The following ARHGAP32 variants were observed in gnomAD, a reference collection of about 807,000 sequenced individuals.
The protein encoded by ARHGAP32 is rho GTPase-activating protein 32.
ARHGAP32 carries 51 observed loss-of-function variants against 186.5 expected under a neutral mutation model. The ratio of observed to expected loss-of-function variants is 0.27; its 90% CI spans 0.22 to 0.35. The LOEUF (loss-of-function observed/expected upper bound fraction) is 0.35, where lower values mean the gene tolerates loss of function less well. Among genes scored for constraint, ARHGAP32 ranks in the 10% least tolerant of loss-of-function variants. ARHGAP32 has a pLI of 1.00. For missense variants in ARHGAP32, 2,186 were observed against 2,623.5 expected, an observed-to-expected ratio of 0.83 and a Z score of 3.64; for synonymous variants, 950 against 964.3, an observed-to-expected ratio of 0.99 and a Z score of 0.27.
intron 1 of ARHGAP32, among the ~76,000 whole-genome samples, chr11:129,252,555 C>T (rs900726222): frequency 1.3e-5 from 2 of 152,026 alleles, no homozygotes; most frequent in Non-Finnish European, 2.9e-5. Flanking sequence ...TAGAAGCAAG[C>T]GATTAGATAT....
chr11:129,148,242 G>T (rs1200385710), intron 2 of ARHGAP32, among the ~76,000 whole-genome samples: 1 of 152,162 alleles, frequency 6.6e-6, no homozygotes, highest in East Asian at 1.9e-4. Context: ...TTTGAATGAA[G>T]CAGCATGCCA....
Position 128,974,949 on chromosome 11 carries a change from A to G in ARHGAP32, c.2248T>C (p.Ser750Pro), listed in dbSNP as rs1279239422. ...AGCATTTCTCCATTAAAAGAGGCAG[A>G]CAGTGCATCACTGGAAGATCTGGGT... ...RRPRSSSDAL[S>P]ASFNGEMLGN... The change falls in exon 21 of 23, where the codon TCT (serine) becomes CCT (proline). Residue 750 changes from serine (S) to proline (P), a missense_variant. Around this residue, in one of 5 missense-constraint regions of ARHGAP32, gnomAD observed 263 missense variants for 323.5 expected, o/e 0.81. Transcript: ENST00000682385. 7.4e-6 allele frequency: 12 copies of G among 1,613,220 alleles called. No homozygotes were observed. The highest frequency in any genetic ancestry group is 1.0e-5 in the Non-Finnish European group (12 of 1,179,782).
chr11:129,238,636 A>G (rs1355552158), intron 1 of ARHGAP32, among the ~76,000 whole-genome samples: 1 of 152,098 alleles, frequency 6.6e-6, no homozygotes, highest in Non-Finnish European at 1.5e-5. Context: ...CCAGCTACTT[A>G]CAAGGCTCAG....
chr11:129,062,371 A>C lies in ARHGAP32; in HGVS notation c.886-14T>G. Reference sequence around the variant, plus strand: ...AATGTCTCCCACCTAGGAGAATCAAAATTTTAAGCAAAATGGTTTTAGTTA... The same window carrying C: ...AATGTCTCCCACCTAGGAGAATCAACATTTTAAGCAAAATGGTTTTAGTTA... On this transcript the variant is annotated splice_polypyrimidine_tract_variant and intron_variant, in intron 9 of 22. Coordinates refer to ENST00000682385, the MANE Select transcript of ARHGAP32 (RefSeq NM_001378024.1). 6.2e-7 allele frequency: 1 copy of C among 1,606,044 alleles called. No individual in the cohort carries two copies. Among genetic ancestry groups the C allele is most frequent in the Non-Finnish European group, 8.5e-7 (1 of 1,174,190 alleles).
chr11:128,984,781 T>C (rs930956459), intron 15 of ARHGAP32, among the ~76,000 whole-genome samples: 2 of 152,148 alleles, frequency 1.3e-5, no homozygotes, highest in African/African-American at 4.8e-5. Context: ...TAAGTATCTA[T>C]AGTCAAGCTA....
intron 6 of ARHGAP32, among the ~76,000 whole-genome samples, chr11:129,073,837 G>T (rs1034790866): frequency 6.6e-6 from 1 of 151,778 alleles, no homozygotes. Context: ...AAGAAGCTGG[G>T]AGTTTGCGGG....
intron 10 of ARHGAP32, among the ~76,000 whole-genome samples, chr11:129,049,640 ACT>A (rs1939956061): frequency 6.6e-6 from 1 of 151,960 alleles, no homozygotes; most frequent in Non-Finnish European, 1.5e-5. Context: ...TATGTAATAT[ACT>A]CTTTTTTGTC....
intron 1 of ARHGAP32, among the ~76,000 whole-genome samples, chr11:129,268,093 T>C (rs1247860145): frequency 6.6e-6 from 1 of 152,136 alleles, no homozygotes; most frequent in East Asian, 1.9e-4. Context: ...ATCCAAACCA[T>C]AGCAGATCTG....
In ARHGAP32 at chr11:128,966,983, A is replaced by C. The variant is rs1338948614; in HGVS notation, c.*1924T>G. ...AGGTTTCCTAGCACTTTGACTGTAA[A>C]ACAGTTGGTTCTGCACTTTTAATGT... On this transcript the variant is annotated 3_prime_UTR_variant, in exon 23 of 23. Transcript: ENST00000682385. 6.6e-6 allele frequency: 1 copy of C among 152,176 alleles called. No homozygotes were observed. Among genetic ancestry groups the C allele is most frequent in the Non-Finnish European group, 1.5e-5 (1 of 68,034 alleles). The allele number at this position is 152,176 out of a possible 1,614,324, so 9.4% of individuals were successfully genotyped here.
At chr11:129,142,125 A>T (rs1317496355) in intron 2 of ARHGAP32, among the ~76,000 whole-genome samples, 1 of 152,130 alleles carries the variant, frequency 6.6e-6, no homozygotes, top group African/African-American at 2.4e-5. Flanking sequence ...ATTATGAGTT[A>T]TCTGATATAA....
At chr11:129,220,898 C>T (rs1310327919) in intron 1 of ARHGAP32, among the ~76,000 whole-genome samples, 1 of 152,144 alleles carries the variant, frequency 6.6e-6, no homozygotes, top group African/African-American at 2.4e-5. Context: ...TCTAACTACA[C>T]ATTACAATTC....
intron 2 of ARHGAP32, among the ~76,000 whole-genome samples, chr11:129,135,516 C>T (rs1485035333): frequency 6.6e-6 from 1 of 152,160 alleles, no homozygotes; most frequent in African/African-American, 2.4e-5. Flanking sequence ...GCCTGTAATC[C>T]CAGCACTTTG....
chr11:129,101,760 G>C (rs1219870870), intron 5 of ARHGAP32, among the ~76,000 whole-genome samples: 2 of 152,170 alleles, frequency 1.3e-5, no homozygotes, highest in Admixed American at 6.5e-5. Flanking sequence ...GGAGAGAATG[G>C]AACCAAATTG....
intron 1 of ARHGAP32, among the ~76,000 whole-genome samples, chr11:129,203,991 T>C (rs1944487426): frequency 6.8e-6 from 1 of 147,908 alleles, no homozygotes; most frequent in Non-Finnish European, 1.5e-5. Context: ...TATACATATG[T>C]ATGTATAATA....
At chr11:129,055,177 GA>G (rs1940199718) in intron 10 of ARHGAP32, among the ~76,000 whole-genome samples, 1 of 152,218 alleles carries the variant, frequency 6.6e-6, no homozygotes, top group South Asian at 2.1e-4. Context: ...ACAAAATGAA[GA>G]GAGCAGAACA....
intron 1 of ARHGAP32, among the ~76,000 whole-genome samples, chr11:129,172,814 T>C (rs928876760): frequency 2.0e-5 from 3 of 152,086 alleles, no homozygotes; most frequent in Non-Finnish European, 4.4e-5. Context: ...GAGGGAAATG[T>C]ATAGCACTAA....
At chr11:129,153,910 C>T (rs1473632716) in intron 2 of ARHGAP32, among the ~76,000 whole-genome samples, 1 of 151,940 alleles carries the variant, frequency 6.6e-6, no homozygotes, top group African/African-American at 2.4e-5. Flanking sequence ...AAAAGCTTCC[C>T]TACAGCAAGA....
At chr11:129,177,273 G>T (rs1046407354) in intron 1 of ARHGAP32, among the ~76,000 whole-genome samples, 2 of 151,914 alleles carry the variant, frequency 1.3e-5, no homozygotes, top group Non-Finnish European at 2.9e-5. Flanking sequence ...AATAACAGGA[G>T]CTGAAATTGT....
chr11:129,049,249 C>G (rs189931990), intron 10 of ARHGAP32, among the ~76,000 whole-genome samples: 1 of 152,046 alleles, frequency 6.6e-6, no homozygotes, highest in East Asian at 1.9e-4. Flanking sequence ...CAGTGTATGA[C>G]AACAGCATGA....
Sources: gnomAD v4.1 joint callset for allele counts (sites outside exome capture counted in the v4.1 genomes callset) on GRCh38, gnomAD v4.1.1 for gene constraint, gnomAD v4.1.1 regional missense constraint, MANE v1.5 for transcripts, NCBI Gene and HGNC (gene_info 2026-07-23, HGNC 2026-07-21) for gene names.